Variants in SAMD5 observed in about 807,000 individuals in gnomAD.
SAMD5 encodes sterile alpha motif domain containing 5, also known as sterile alpha motif domain-containing protein 5.
A neutral mutation model predicts 11.3 loss-of-function variants in SAMD5; 13 were observed. The observed-to-expected ratio is 1.15, with a 90% CI of 0.75 to 1.83. The LOEUF (loss-of-function observed/expected upper bound fraction) is 1.83, where lower values mean the gene tolerates loss of function less well. Among genes scored for constraint, SAMD5 ranks in the 40% most tolerant of loss-of-function variants. SAMD5 has a pLI of 0.00. For missense variants in SAMD5, 255 were observed against 239.1 expected (o/e 1.07, Z -0.44); for synonymous variants, 129 against 111.3 (o/e 1.16, Z -1.00).
chr6:147,559,854 C>T (rs1394042077), intron 1 of SAMD5, among the ~76,000 whole-genome samples: 2 of 152,156 alleles, frequency 1.3e-5, no homozygotes, highest in Non-Finnish European at 2.9e-5. Context: ...ATTTGTATAA[C>T]CTAACATTGC....
the SAMD5 span, among the ~76,000 whole-genome samples, chr6:147,943,127 A>G: frequency 3.9e-5 from 6 of 152,032 alleles, no homozygotes; most frequent in Non-Finnish European, 8.8e-5. Flanking sequence ...GGCCCATTCT[A>G]TTGCTTCATC....
intron 1 of SAMD5, among the ~76,000 whole-genome samples, chr6:147,612,749 C>T (rs1562333315): frequency 6.6e-6 from 1 of 152,210 alleles, no homozygotes; most frequent in Non-Finnish European, 1.5e-5. Context: ...CTCCCTGGAT[C>T]ATTGTCTTCA....
chr6:147,834,475 C>T, the SAMD5 span, among the ~76,000 whole-genome samples: 1 of 152,254 alleles, frequency 6.6e-6, no homozygotes. Flanking sequence ...GGCTTAAAAG[C>T]ACCGGAGTGA....
chr6:147,794,941 A>G, the SAMD5 span, among the ~76,000 whole-genome samples: 1 of 152,086 alleles, frequency 6.6e-6, no homozygotes, highest in Non-Finnish European at 1.5e-5. Context: ...CCCTACACAG[A>G]CAGGGACCTC....
the SAMD5 span, among the ~76,000 whole-genome samples, chr6:147,826,995 A>G: frequency 2.0e-5 from 3 of 152,178 alleles, no homozygotes; most frequent in African/African-American, 7.2e-5. Flanking sequence ...ACCCGCAAGG[A>G]TATCAAAGGG....
rs549819556 is a variant in SAMD5 at position 147,721,396 on chromosome 6, T to A, written c.163-15921T>A. On this transcript the variant is annotated intron_variant, in intron 1 of 1. Transcript: ENST00000566741. ...ACTTTTTAATGATTGCCATTCTAAC[T>A]GGTGTGAGATGGTATCTCATTGTGG... is the stretch of plus-strand genomic sequence containing the variant. 6.1e-3 allele frequency among the ~76,000 whole-genome samples: 930 copies of A among 152,228 alleles called. 4 individuals are homozygous for A. Among genetic ancestry groups the A allele is most frequent in the Middle Eastern group, 0.034 (10 of 294 alleles).
the SAMD5 span, among the ~76,000 whole-genome samples, chr6:147,814,311 A>C: frequency 6.6e-6 from 1 of 152,198 alleles, no homozygotes; most frequent in African/African-American, 2.4e-5. Context: ...TTATAAGTAT[A>C]TTCACGCATA....
At chr6:147,673,025 C>T (rs770556152) in intron 1 of SAMD5, among the ~76,000 whole-genome samples, 10 of 151,854 alleles carry the variant, frequency 6.6e-5, no homozygotes, top group Non-Finnish European at 1.2e-4. Context: ...CTACTCTTAC[C>T]TTTTTCTTGT....
At chr6:147,656,897 T>C (rs1466384772) in intron 1 of SAMD5, among the ~76,000 whole-genome samples, 4 of 78,238 alleles carry the variant, frequency 5.1e-5, no homozygotes. Context: ...CAATACAGTA[T>C]ACGTGTGTGT....
At chr6:147,712,701 C>A (rs1170605617) in intron 1 of SAMD5, among the ~76,000 whole-genome samples, 2 of 151,872 alleles carry the variant, frequency 1.3e-5, no homozygotes, top group African/African-American at 4.8e-5. Flanking sequence ...CATGGAAAGG[C>A]TATGGGAGCA....
intron 1 of SAMD5, among the ~76,000 whole-genome samples, chr6:147,524,399 T>C (rs1788303861): frequency 6.7e-6 from 1 of 150,340 alleles, no homozygotes. Context: ...ATGGGTTTTT[T>C]TGTTTTTGTT....
At chr6:147,908,619 T>A in the SAMD5 span, among the ~76,000 whole-genome samples, 1 of 152,330 alleles carries the variant, frequency 6.6e-6, no homozygotes, top group Admixed American at 6.5e-5. Context: ...AGAGAACAAC[T>A]ATATGTTGCA....
At chr6:147,721,624 G>C (rs6917018) in intron 1 of SAMD5, among the ~76,000 whole-genome samples, 9 of 152,076 alleles carry the variant, frequency 5.9e-5, no homozygotes, top group African/African-American at 2.2e-4. Context: ...AGTAGGTTGC[G>C]AAAATTTTCT....
At chr6:147,802,056 A>G in the SAMD5 span, among the ~76,000 whole-genome samples, 1 of 152,188 alleles carries the variant, frequency 6.6e-6, no homozygotes, top group Non-Finnish European at 1.5e-5. Flanking sequence ...AAAAACTGAT[A>G]AACTAAATTT....
intron 1 of SAMD5, among the ~76,000 whole-genome samples, chr6:147,589,761 A>T (rs1438532645): frequency 1.3e-5 from 2 of 152,218 alleles, no homozygotes; most frequent in Non-Finnish European, 2.9e-5. Context: ...AGCATATGTT[A>T]GCAATGGTTA....
chr6:147,904,893 T>G, the SAMD5 span, among the ~76,000 whole-genome samples: 1 of 26,114 alleles, frequency 3.8e-5, no homozygotes, highest in South Asian at 1.7e-3. Flanking sequence ...CTTTATGCCT[T>G]TTTTTTTTTT....
At chr6:147,835,727 A>T in the SAMD5 span, among the ~76,000 whole-genome samples, 1 of 152,074 alleles carries the variant, frequency 6.6e-6, no homozygotes, top group African/African-American at 2.4e-5. Context: ...TGAACACAGG[A>T]GGGAGACTGG....
At chr6:147,890,710 T>G in the SAMD5 span, among the ~76,000 whole-genome samples, 1 of 151,756 alleles carries the variant, frequency 6.6e-6, no homozygotes, top group Non-Finnish European at 1.5e-5. Flanking sequence ...TTGATACAGA[T>G]GCAGGAAAAT....
chr6:147,884,819 G>A, the SAMD5 span, among the ~76,000 whole-genome samples: 93,413 of 152,030 alleles, frequency 0.61, 29,299 homozygotes, highest in African/African-American at 0.75. Context: ...TTGAATGACA[G>A]CACCTAAATA....
Sources: allele counts gnomAD v4.1 joint callset (sites outside exome capture counted in the v4.1 genomes callset), GRCh38; gene constraint gnomAD v4.1.1; transcripts MANE v1.5; gene names NCBI Gene and HGNC (gene_info 2026-07-23, HGNC 2026-07-21).